TMEM161A: variants seen among roughly 807,000 people sequenced by gnomAD.
The protein encoded by TMEM161A is transmembrane protein 161A.
Under a neutral mutation model 57.1 loss-of-function variants are expected in TMEM161A, and 46 were observed. That is an observed-to-expected ratio of 0.81 (90% confidence interval 0.64 to 1.03). TMEM161A has a LOEUF of 1.03. Ranked by LOEUF, TMEM161A falls within the 50% of genes least tolerant of loss-of-function variation. The probability of loss-of-function intolerance (pLI) is 0.00; values close to 1 mark genes in which losing one functional copy is unlikely to be tolerated. For missense variants in TMEM161A, 601 were observed against 621.5 expected, an observed-to-expected ratio of 0.97 and a Z score of 0.35; for synonymous variants, 288 against 279.0, an observed-to-expected ratio of 1.03 and a Z score of -0.32.
intron 1 of TMEM161A, among the ~76,000 whole-genome samples, chr19:19,138,021 C>A (rs1419765958): frequency 6.6e-6 from 1 of 152,142 alleles, no homozygotes; most frequent in African/African-American, 2.4e-5. Context: ...CCTGTCGGCG[C>A]GGCCCCCACG....
At chr19:19,120,636 A>G in intron 11 of TMEM161A, 129 bp downstream of exon 11, 5 of 835,324 alleles carry the variant, frequency 6.0e-6, no homozygotes, top group Non-Finnish European at 9.5e-6. Flanking sequence ...ACCCTGCCTT[A>G]CCACAGTCTC....
chr19:19,136,256 T>C (rs1463927061), intron 1 of TMEM161A, among the ~76,000 whole-genome samples: 2 of 152,274 alleles, frequency 1.3e-5, no homozygotes, highest in South Asian at 2.1e-4. Context: ...GTTTATTTAA[T>C]AGTAAAATTA....
chr19:19,131,676 C>T (rs2059959923), intron 5 of TMEM161A, among the ~76,000 whole-genome samples: 1 of 152,108 alleles, frequency 6.6e-6, no homozygotes, highest in Non-Finnish European at 1.5e-5. Context: ...CAGGTATGCA[C>T]CACCACCCCC....
At chr19:19,130,570 C>T (rs965571981) in intron 5 of TMEM161A, 8 of 495,774 alleles carry the variant, frequency 1.6e-5, no homozygotes, top group African/African-American at 1.5e-4. Context: ...CTCTTTCACC[C>T]ACCTCACCTA....
In TMEM161A at chr19:19,121,927, G is replaced by T; in HGVS notation, c.596-108C>A. On this transcript the variant is annotated intron_variant, in intron 6 of 11. Coordinates refer to ENST00000162044, the MANE Select transcript of TMEM161A (RefSeq NM_017814.3). The surrounding 1 kb of genome is among the most constrained non-coding windows in gnomAD (Gnocchi z 5.8). ...AGGCATCCGTTTGCTTCCCAAGTAG[G>T]AATGAACAAGGGTCTGCCAGGCCCT... The T allele has an allele frequency of 7.8e-7, 1 of 1,279,038 alleles. No homozygotes were observed. The highest frequency in any genetic ancestry group is 1.1e-6 in the Non-Finnish European group (1 of 915,996). The allele number at this position is 1,279,038 out of a possible 1,614,324, so 79.2% of individuals were successfully genotyped here.
intron 6 of TMEM161A, among the ~76,000 whole-genome samples, chr19:19,125,598 G>C (rs1342819665): frequency 1.4e-5 from 2 of 147,996 alleles, no homozygotes; most frequent in Non-Finnish European, 1.5e-5. Context: ...CTCACTGCAA[G>C]CTCCACCTCC....
Position 19,133,153 on chromosome 19 carries a change from C to G in TMEM161A, c.165G>C (p.Pro55=). The change falls in exon 3 of 12, where the codon CCG becomes CCC. Residue 55 remains proline, a synonymous_variant. Coordinates refer to ENST00000162044, the MANE Select transcript of TMEM161A (RefSeq NM_017814.3). ...EEELRALAGK[P]RPRGRKERWA... ...ACCGCTCTTTCCTGCCTCTGGGCCT[C>G]GGCTTCCCCGCCAGGGCCCGAAGCT... The G allele has an allele frequency of 6.2e-7, 1 of 1,614,138 alleles. No homozygotes were observed. The highest frequency in any genetic ancestry group is 1.3e-5 in the African/African-American group (1 of 75,056).
At position 19,132,283 on chromosome 19, in the gene TMEM161A, AG is replaced by A; in HGVS notation, c.443+68del. 6.5e-7 allele frequency: 1 copy of A among 1,532,916 alleles called. No homozygotes were observed. The highest frequency in any genetic ancestry group is 8.8e-7 in the Non-Finnish European group (1 of 1,137,496). The allele number at this position is 1,532,916 out of a possible 1,614,324, so 95.0% of individuals were successfully genotyped here. ...CAGGTGAAAACTGCCACACCAGTTT[AG>A]GGGAGCCAGGGAAGCTCAGGTCCTG... On this transcript the variant is annotated intron_variant, in intron 5 of 11. Transcript: ENST00000162044. This position sits in a 1 kb window ranked among gnomAD's most constrained non-coding sequence, Gnocchi z 4.3.
chr19:19,123,054 G>T (rs2059917619), intron 6 of TMEM161A, among the ~76,000 whole-genome samples: 1 of 152,160 alleles, frequency 6.6e-6, no homozygotes. Context: ...TGAAATAATA[G>T]GTTGTTAAAC....
intron 5 of TMEM161A, among the ~76,000 whole-genome samples, chr19:19,131,682 C>G (rs1664938874): frequency 2.0e-5 from 3 of 152,070 alleles, no homozygotes; most frequent in Admixed American, 1.3e-4. Flanking sequence ...TGCACCACCA[C>G]CCCCGGCTAA....
intron 6 of TMEM161A, among the ~76,000 whole-genome samples, chr19:19,125,634 A>G (rs901642934): frequency 1.3e-5 from 2 of 150,364 alleles, no homozygotes; most frequent in African/African-American, 4.9e-5. Context: ...CTCCTGCCTC[A>G]GCCTCCCCAG....
chr19:19,128,698 C>A (rs1361206653), intron 6 of TMEM161A, among the ~76,000 whole-genome samples: 1 of 151,566 alleles, frequency 6.6e-6, no homozygotes, highest in Non-Finnish European at 1.5e-5. Flanking sequence ...GTCACCACGC[C>A]CGACTAATTT....
chr19:19,124,978 A>C (rs917352229), intron 6 of TMEM161A, among the ~76,000 whole-genome samples: 2 of 152,124 alleles, frequency 1.3e-5, no homozygotes, highest in African/African-American at 4.8e-5. Flanking sequence ...AAAACAAAAA[A>C]AAACTTAGGT....
At chr19:19,135,564 A>T (rs866838553) in intron 1 of TMEM161A, among the ~76,000 whole-genome samples, 43 of 151,856 alleles carry the variant, frequency 2.8e-4, no homozygotes, top group Middle Eastern at 3.4e-3. Context: ...TTATTTATTT[A>T]TTTATTTTTT....
At chr19:19,138,345 C>G in intron 1 of TMEM161A, 81 bp downstream of exon 1, 1 of 1,551,146 alleles carries the variant, frequency 6.4e-7, no homozygotes, top group Non-Finnish European at 8.7e-7. Flanking sequence ...AACCCCAATC[C>G]ATTCCCTCAG....
intron 6 of TMEM161A, among the ~76,000 whole-genome samples, chr19:19,126,466 C>T (rs2059931913): frequency 6.6e-6 from 1 of 152,200 alleles, no homozygotes; most frequent in African/African-American, 2.4e-5. Context: ...TGGTGCACAC[C>T]TGTAATCCCA....
chr19:19,122,674 C>T (rs2059916103), intron 6 of TMEM161A, among the ~76,000 whole-genome samples: 1 of 147,472 alleles, frequency 6.8e-6, no homozygotes, highest in Non-Finnish European at 1.5e-5. Context: ...ACTGTGAAGG[C>T]TGAGGTGGGA....
intron 6 of TMEM161A, among the ~76,000 whole-genome samples, chr19:19,127,768 GA>G (rs61271715): frequency 0.64 from 91,499 of 142,726 alleles, 28,919 homozygotes; most frequent in Admixed American, 0.67. Context: ...CATCTCTACA[GA>G]AAAAAAAAAA....
Position 19,121,611 on chromosome 19 carries a change from C to T in TMEM161A, c.714G>A (p.Leu238=). The change falls in exon 8 of 12, where the codon CTG becomes CTA. Residue 238 remains leucine, a synonymous_variant. Coordinates refer to ENST00000162044, the MANE Select transcript of TMEM161A (RefSeq NM_017814.3). This position sits in a 1 kb window ranked among gnomAD's most constrained non-coding sequence, Gnocchi z 5.8. ...GGCCTGGGAAGGTGAGGAAGGCACC[C>T]AGCACAGAGCCCACCACTGCCAGTC... is the stretch of plus-strand genomic sequence containing the variant. ...RVGLAVVGSV[L]GAFLTFPGLR... 1.2e-6 allele frequency: 2 copies of T among 1,613,958 alleles called. No homozygotes were observed. The highest frequency in any genetic ancestry group is 1.7e-6 in the Non-Finnish European group (2 of 1,179,978).
Sources: allele counts gnomAD v4.1 joint callset (sites outside exome capture counted in the v4.1 genomes callset), GRCh38; gene constraint gnomAD v4.1.1; non-coding constraint Gnocchi (gnomAD v3.1); transcripts MANE v1.5; gene names NCBI Gene and HGNC (gene_info 2026-07-23, HGNC 2026-07-21).